Variants in PIGT observed in about 807,000 individuals in gnomAD.
The protein encoded by PIGT is phosphatidylinositol glycan anchor biosynthesis class T, also known as GPI-anchor transamidase component PIGT.
Under a neutral mutation model 66.7 loss-of-function variants are expected in PIGT, and 57 were observed. The ratio of observed to expected loss-of-function variants is 0.86; its 90% CI spans 0.69 to 1.07. The LOEUF (loss-of-function observed/expected upper bound fraction) is 1.07. Ranked by LOEUF, PIGT falls within the 50% of genes least tolerant of loss-of-function variation. The pLI is 0.00. For synonymous variants in PIGT, 362 were observed against 320.5 expected, an observed-to-expected ratio of 1.13 and a Z score of -1.38; for missense variants, 725 against 740.4, an observed-to-expected ratio of 0.98 and a Z score of 0.24.
intron 2 of PIGT, chr20:45,417,392 A>G (rs1348771635): frequency 1.3e-5 from 2 of 152,238 alleles, no homozygotes; most frequent in Non-Finnish European, 2.9e-5. Context: ...GTGGCAGGCT[A>G]GAGAGTTTGT....
At position 45,424,325 on chromosome 20, in the gene PIGT, G is replaced by C; in HGVS notation, c.1344G>C (p.Arg448=). ...SVTKVSIQFE[R]ALLKWTEYTP... ...CCAAGGTTTCCATCCAGTTTGAGCG[G>C]GCGCTGCTGAAGTGGACCGAGTACA... The change falls in exon 10 of 12, where the codon CGG becomes CGC. Residue 448 remains arginine (R), a synonymous_variant. Transcript: ENST00000279036. 1 of 1,614,154 alleles carries C rather than the reference G, an allele frequency of 6.2e-7. No individual in the cohort carries two copies. The highest frequency in any genetic ancestry group is 8.5e-7 in the Non-Finnish European group (1 of 1,180,024).
At chr20:45,425,429 T>C in intron 11 of PIGT, 145 bp from the exon 12 acceptor site, 2 of 860,886 alleles carry the variant, frequency 2.3e-6, no homozygotes, top group Non-Finnish European at 3.5e-6. Context: ...GTTTAGAGAT[T>C]GAGCTATGCC....
rs762138208 is a variant in PIGT, at chr20:45,420,401, T to C, written c.839T>C (p.Val280Ala). 6.2e-7 allele frequency: 1 copy of C among 1,613,488 alleles called. No individual in the cohort carries two copies. Among genetic ancestry groups the C allele is most frequent in the Non-Finnish European group, 8.5e-7 (1 of 1,179,854 alleles). ...TGCCCCCTGGCTTCAGAGAGCCGAG[T>C]CTATGTGGACATCACCACCTACAAC... Reference protein sequence around the residue: ...EPCPLASESRVYVDITTYNQD... With the variant: ...EPCPLASESRAYVDITTYNQD... The change falls in exon 7 of 12, where the codon GTC becomes GCC. Residue 280 changes from valine to alanine, a missense_variant. This residue lies in a region of PIGT where 559 missense variants were observed against 552.7 expected (regional missense o/e 1.01). Coordinates refer to ENST00000279036, the MANE Select transcript of PIGT (RefSeq NM_015937.6).
At chr20:45,420,018 G>C (rs1990250541) in intron 5 of PIGT, 118 bp from the exon 6 acceptor site, 1 of 738,004 alleles carries the variant, frequency 1.4e-6, no homozygotes, top group Admixed American at 2.2e-5. Context: ...GTGGGTGGTA[G>C]CAAATCGATG....
intron 9 of PIGT, chr20:45,423,978 G>A (rs889803002): frequency 1.8e-6 from 1 of 542,660 alleles, no homozygotes; most frequent in Non-Finnish European, 3.3e-6. Flanking sequence ...TGTGAAGATT[G>A]ATTAGCCATC....
At chr20:45,421,734 A>G (rs1990381289) in intron 9 of PIGT, 151 bp downstream of exon 9, 3 of 642,400 alleles carry the variant, frequency 4.7e-6, no homozygotes, top group Admixed American at 5.7e-5. Flanking sequence ...CAAAACTGGA[A>G]CGGGAGCCTC....
chr20:45,416,703 A>G lies in PIGT; in HGVS notation c.365+9A>G, dbSNP rs1298521604. 1.2e-6 allele frequency: 2 copies of G among 1,608,806 alleles called. No homozygotes were observed. Among genetic ancestry groups the G allele is most frequent in the South Asian group, 1.1e-5 (1 of 90,516 alleles). ...CAAGACACTGTCACTGAGTGAGTGCACACCTTGGGCCCTGTTGCAGGCCAT... is the reference window on the plus strand; with the variant it reads ...CAAGACACTGTCACTGAGTGAGTGCGCACCTTGGGCCCTGTTGCAGGCCAT... On this transcript the variant is annotated intron_variant, in intron 2 of 11. Coordinates refer to ENST00000279036, the MANE Select transcript of PIGT (RefSeq NM_015937.6).
At chr20:45,419,096 T>C in intron 3 of PIGT, 117 bp downstream of exon 3, 1 of 1,341,066 alleles carries the variant, frequency 7.5e-7, no homozygotes, top group Non-Finnish European at 1.1e-6. Context: ...GTCCCCTGTG[T>C]GTGCAGGCCC....
rs1384176448 is a variant in PIGT, at chr20:45,425,572, A to G, written c.1485-2A>G. ...GTCTCACCGCTCTTCCCCTGACCCC[A>G]GGTTCCCAGTCTCTGATGGCTCTAA... is the stretch of plus-strand genomic sequence containing the variant. On this transcript the variant is annotated splice_acceptor_variant, in intron 11 of 11. Coordinates refer to ENST00000279036, the MANE Select transcript of PIGT (RefSeq NM_015937.6). LOFTEE classifies it high-confidence loss of function. The G allele has an allele frequency of 1.2e-6, 2 of 1,613,182 alleles. No homozygotes were observed. Among genetic ancestry groups the G allele is most frequent in the East Asian group, 2.2e-5 (1 of 44,874 alleles).
At chr20:45,419,470 C>T (rs1300902355) in intron 4 of PIGT, 34 bp from the exon 5 acceptor site, 4 of 1,613,398 alleles carry the variant, frequency 2.5e-6, no homozygotes, top group Non-Finnish European at 8.5e-7. Flanking sequence ...GTGCTCCATA[C>T]AGGGCTTCTC....
At position 45,416,474 on chromosome 20, in the gene PIGT, C is replaced by T. The variant is rs780009755; in HGVS notation, c.188-43C>T. The T allele has an allele frequency of 1.4e-5, 22 of 1,596,636 alleles. No individual in the cohort carries two copies. In the Middle Eastern group the frequency reaches 5.0e-4, roughly 36 times the overall value. On this transcript the variant is annotated intron_variant, in intron 1 of 11. Transcript: ENST00000279036. Reference sequence around the variant, plus strand: ...AGTTCGGGATCCTGGGTGTGGACCCCGACGAGGTGGGGATCGTCACTCACC... The same window carrying T: ...AGTTCGGGATCCTGGGTGTGGACCCTGACGAGGTGGGGATCGTCACTCACC...
chr20:45,421,617 C>T (rs974613670), intron 9 of PIGT, 34 bp downstream of exon 9: 1 of 1,583,144 alleles, frequency 6.3e-7, no homozygotes. Flanking sequence ...GGCCCCCAGC[C>T]CGCCCTCTCA....
intron 6 of PIGT, 53 bp downstream of exon 6, chr20:45,420,276 C>G: frequency 6.3e-7 from 1 of 1,591,556 alleles, no homozygotes; most frequent in Non-Finnish European, 8.6e-7. Flanking sequence ...CCTGCCTTAT[C>G]TATGTGGACT....
Position 45,425,632 on chromosome 20 carries a change from G to A in PIGT, c.1543G>A (p.Val515Met). 6.2e-7 allele frequency: 1 copy of A among 1,614,110 alleles called. No homozygotes were observed. Among genetic ancestry groups the A allele is most frequent in the Non-Finnish European group, 8.5e-7 (1 of 1,180,016 alleles). ...FVRLYTEPLL[V>M]NLPTPDFSMP... Reference sequence around the variant, plus strand: ...GCGGCTCTACACGGAGCCGCTGCTGGTGAACCTGCCGACACCGGACTTCAG... The same window carrying A: ...GCGGCTCTACACGGAGCCGCTGCTGATGAACCTGCCGACACCGGACTTCAG... The change falls in exon 12 of 12, where the codon GTG (valine) becomes ATG (methionine). Residue 515 changes from valine to methionine, a missense_variant. Physicochemically the swap from Val to Met is conservative, Grantham distance 21. Coordinates refer to ENST00000279036, the MANE Select transcript of PIGT (RefSeq NM_015937.6).
rs760395465 is a variant in PIGT at position 45,425,813 on chromosome 20, TC to T, written c.1730del (p.Pro577HisfsTer67). 6 of 1,612,798 alleles carry T rather than the reference TC, an allele frequency of 3.7e-6. No homozygotes were observed. Among genetic ancestry groups the T allele is most frequent in the Non-Finnish European group, 5.1e-6 (6 of 1,179,526 alleles). ...LANLIRRARG[V>X]PPL ...AACCTTATCCGGCGCGCCCGAGGTG[TC>T]CCCCCACTCTGATTCTTGCCCTTTC... On this transcript the variant is annotated frameshift_variant, in exon 12 of 12. Coordinates refer to ENST00000279036, the MANE Select transcript of PIGT (RefSeq NM_015937.6). LOFTEE classifies it high-confidence loss of function.
chr20:45,419,637 A>G (rs1300315792), intron 5 of PIGT, 47 bp downstream of exon 5: 1 of 1,322,194 alleles, frequency 7.6e-7, no homozygotes. Flanking sequence ...GGCTCAGAGA[A>G]GGTACATGTA....
At chr20:45,424,608 C>T (rs765997288) in intron 11 of PIGT, 29 bp downstream of exon 11, 22 of 1,571,394 alleles carry the variant, frequency 1.4e-5, no homozygotes, top group Non-Finnish European at 1.8e-5. Flanking sequence ...ACTGATAACA[C>T]ATCCTCAGCT....
Position 45,419,293 on chromosome 20 carries a change from A to G in PIGT, c.494-2A>G, listed in dbSNP as rs200790673. On this transcript the variant is annotated splice_acceptor_variant, in intron 3 of 11. Transcript: ENST00000279036. LOFTEE classifies it high-confidence loss of function. Reference sequence around the variant, plus strand: ...CCCCAGACAGACCTCTGTCTCCCTCAGACACTGACCACTACTTTCTGCGCT... The same window carrying G: ...CCCCAGACAGACCTCTGTCTCCCTCGGACACTGACCACTACTTTCTGCGCT... 1.1e-4 allele frequency: 173 copies of G among 1,613,094 alleles called. No homozygotes were observed. The highest frequency in any genetic ancestry group is 1.4e-4 in the Non-Finnish European group (164 of 1,179,220).
chr20:45,426,128 A>C lies in PIGT; in HGVS notation c.*302A>C, dbSNP rs1131628. 2.3e-6 allele frequency: 1 copy of C among 436,400 alleles called. No individual in the cohort carries two copies. The highest frequency in any genetic ancestry group is 4.2e-6 in the Non-Finnish European group (1 of 239,866). 27.0% of individuals were successfully genotyped at this position (436,400 alleles called of 1,614,324 possible). ...AGCACAGAAAAAGATTTCCATCACCACAGAAAGGTCGGCTGGCAGCACTGG... is the reference window on the plus strand; with the variant it reads ...AGCACAGAAAAAGATTTCCATCACCCCAGAAAGGTCGGCTGGCAGCACTGG... On this transcript the variant is annotated 3_prime_UTR_variant, in exon 12 of 12. Coordinates refer to ENST00000279036, the MANE Select transcript of PIGT (RefSeq NM_015937.6).
Sources: allele counts gnomAD v4.1 joint callset, GRCh38; gene constraint gnomAD v4.1.1; regional missense constraint gnomAD v4.1.1; transcripts MANE v1.5; gene names NCBI Gene and HGNC (gene_info 2026-07-23, HGNC 2026-07-21).